The following FSTL5 variants were observed in gnomAD, a reference collection of about 807,000 sequenced individuals.
FSTL5 encodes the protein follistatin-related protein 5.
In FSTL5, 62 loss-of-function variants were observed where a neutral mutation model predicts 89.1. The observed-to-expected ratio is 0.70, with a 90% CI of 0.57 to 0.86. The LOEUF (loss-of-function observed/expected upper bound fraction) is 0.86, where lower values mean the gene tolerates loss of function less well. Among genes scored for constraint, FSTL5 ranks in the 40% least tolerant of loss-of-function variants. FSTL5 has a pLI of 0.00. For synonymous variants in FSTL5, 383 were observed against 346.2 expected (o/e 1.11, Z -1.18); for missense variants, 1,057 against 1,001.6 (o/e 1.06, Z -0.75).
chr4:161,823,190 C>T (rs1730548869), intron 4 of FSTL5, among the ~76,000 whole-genome samples: 1 of 152,106 alleles, frequency 6.6e-6, no homozygotes, highest in Non-Finnish European at 1.5e-5. Flanking sequence ...CAGGCCAGCC[C>T]CCAGGCTTTA....
chr4:161,786,477 T>C (rs963283746), intron 4 of FSTL5, among the ~76,000 whole-genome samples: 10 of 152,118 alleles, frequency 6.6e-5, no homozygotes, highest in Non-Finnish European at 2.9e-5. Context: ...AGTCAACCTT[T>C]GAGAGACATT....
At chr4:161,768,111 T>C (rs914690279) in intron 5 of FSTL5, among the ~76,000 whole-genome samples, 4 of 152,050 alleles carry the variant, frequency 2.6e-5, no homozygotes, top group East Asian at 1.9e-4. Flanking sequence ...CTTGAGGAAA[T>C]TGAAAAATAT....
chr4:161,533,001 G>T (rs1040514462), intron 10 of FSTL5, among the ~76,000 whole-genome samples: 2 of 142,980 alleles, frequency 1.4e-5, no homozygotes, highest in Non-Finnish European at 3.0e-5. Flanking sequence ...TAACATTAAC[G>T]CAGAAATAAA....
At chr4:161,986,069 T>G (rs1371863121) in intron 3 of FSTL5, among the ~76,000 whole-genome samples, 1 of 152,156 alleles carries the variant, frequency 6.6e-6, no homozygotes, top group Non-Finnish European at 1.5e-5. Context: ...GTGACTATAT[T>G]CCTCCTATGT....
intron 3 of FSTL5, among the ~76,000 whole-genome samples, chr4:161,939,742 G>A (rs1734527526): frequency 6.6e-6 from 1 of 151,876 alleles, no homozygotes; most frequent in Non-Finnish European, 1.5e-5. Flanking sequence ...ACTAACATGA[G>A]GATAACAGTG....
At chr4:161,389,603 A>T (rs1180781327) in intron 15 of FSTL5, among the ~76,000 whole-genome samples, 3 of 152,094 alleles carry the variant, frequency 2.0e-5, no homozygotes, top group African/African-American at 7.2e-5. Flanking sequence ...TATTTTCATG[A>T]TCCAGATTTT....
chr4:161,404,261 T>C (rs1731281039), intron 15 of FSTL5, among the ~76,000 whole-genome samples: 1 of 152,134 alleles, frequency 6.6e-6, no homozygotes, highest in Admixed American at 6.5e-5. Flanking sequence ...GGTCAATTGA[T>C]TACAATTGGG....
intron 6 of FSTL5, among the ~76,000 whole-genome samples, chr4:161,758,166 A>G (rs1740643513): frequency 1.3e-5 from 2 of 152,332 alleles, no homozygotes; most frequent in South Asian, 4.1e-4. Flanking sequence ...AATAAAAATT[A>G]TCATGCAGTA....
intron 6 of FSTL5, among the ~76,000 whole-genome samples, chr4:161,680,638 C>G (rs1288208313): frequency 7.0e-6 from 1 of 143,122 alleles, no homozygotes; most frequent in African/African-American, 2.4e-5. Context: ...TTAGAGTTTG[C>G]TCTTATTTTG....
chr4:162,106,270 T>C (rs891164136), intron 2 of FSTL5, among the ~76,000 whole-genome samples: 1 of 152,178 alleles, frequency 6.6e-6, no homozygotes, highest in Non-Finnish European at 1.5e-5. Context: ...GACATAGTAG[T>C]ATCTGGTTAA....
At chr4:161,745,822 T>C (rs758720488) in intron 6 of FSTL5, among the ~76,000 whole-genome samples, 12 of 152,080 alleles carry the variant, frequency 7.9e-5, no homozygotes, top group Non-Finnish European at 1.5e-4. Context: ...TCTTACAAAA[T>C]ATGATTATAA....
intron 11 of FSTL5, among the ~76,000 whole-genome samples, chr4:161,501,326 A>T (rs1263108748): frequency 6.6e-6 from 1 of 152,100 alleles, no homozygotes; most frequent in Non-Finnish European, 1.5e-5. Context: ...GATTTGTAAA[A>T]AATATGTGTT....
chr4:161,575,488 T>C (rs954092165), intron 8 of FSTL5, among the ~76,000 whole-genome samples: 13 of 152,056 alleles, frequency 8.5e-5, no homozygotes, highest in African/African-American at 3.1e-4. Context: ...AGAGTCTCAC[T>C]CTGTTGCCCA....
At chr4:161,415,224 C>CT in intron 15 of FSTL5, among the ~76,000 whole-genome samples, 1 of 152,210 alleles carries the variant, frequency 6.6e-6, no homozygotes, top group Middle Eastern at 3.4e-3. Context: ...CCACCCCCAG[C>CT]TTGGGCCAGC....
At chr4:161,682,562 A>G (rs1405162601) in intron 6 of FSTL5, among the ~76,000 whole-genome samples, 1 of 152,040 alleles carries the variant, frequency 6.6e-6, no homozygotes, top group African/African-American at 2.4e-5. Context: ...AAACAAACAC[A>G]CACATTAGCC....
At chr4:161,638,288 T>G (rs960397005) in intron 7 of FSTL5, among the ~76,000 whole-genome samples, 1 of 151,736 alleles carries the variant, frequency 6.6e-6, no homozygotes, top group South Asian at 2.1e-4. Flanking sequence ...TGTATAAGAA[T>G]GCTTGTGATT....
At chr4:161,434,364 A>T (rs955116470) in intron 15 of FSTL5, among the ~76,000 whole-genome samples, 34 of 152,160 alleles carry the variant, frequency 2.2e-4, no homozygotes, top group African/African-American at 8.0e-4. Flanking sequence ...ATGCAGAAGA[A>T]TAAAATTAGA....
chr4:162,145,647 C>T (rs1389771722), intron 1 of FSTL5, among the ~76,000 whole-genome samples: 1 of 152,078 alleles, frequency 6.6e-6, no homozygotes, highest in Non-Finnish European at 1.5e-5. Context: ...CTTAAATACT[C>T]CCAGATGGAG....
At chr4:162,009,691 A>C (rs765626357) in intron 3 of FSTL5, among the ~76,000 whole-genome samples, 18 of 152,102 alleles carry the variant, frequency 1.2e-4, no homozygotes, top group Non-Finnish European at 1.5e-4. Context: ...AATGAAAATA[A>C]TAAAACTGCT....
Sources: gnomAD v4.1 joint callset for allele counts (sites outside exome capture counted in the v4.1 genomes callset) on GRCh38, gnomAD v4.1.1 for gene constraint, MANE v1.5 for transcripts, NCBI Gene and HGNC (gene_info 2026-07-23, HGNC 2026-07-21) for gene names.